Variants in BBS9 observed in about 807,000 individuals in gnomAD.
BBS9 encodes the protein protein PTHB1.
BBS9 carries 89 observed loss-of-function variants against 117.7 expected under a neutral mutation model. That is an observed-to-expected ratio of 0.76 (90% confidence interval 0.64 to 0.90). The LOEUF (loss-of-function observed/expected upper bound fraction) is 0.90. Ranked by LOEUF, BBS9 falls within the 40% of genes least tolerant of loss-of-function variation. BBS9 has a pLI of 0.00. For missense variants in BBS9, 982 were observed against 1,042.2 expected (o/e 0.94, Z 0.80); for synonymous variants, 379 against 370.9 (o/e 1.02, Z -0.25).
chr7:33,379,708 C>T (rs1824594068), intron 17 of BBS9, among the ~76,000 whole-genome samples: 1 of 152,012 alleles, frequency 6.6e-6, no homozygotes, highest in Non-Finnish European at 1.5e-5. Context: ...TATCTCTGCC[C>T]TTTATTTTAT....
intron 5 of BBS9, among the ~76,000 whole-genome samples, chr7:33,205,406 A>G (rs1315711839): frequency 1.3e-5 from 2 of 152,184 alleles, no homozygotes; most frequent in Non-Finnish European, 2.9e-5. Flanking sequence ...TTGCCCACCT[A>G]TCAGTATAAA....
chr7:33,406,945 G>T (rs1830120707), intron 19 of BBS9, among the ~76,000 whole-genome samples: 1 of 152,082 alleles, frequency 6.6e-6, no homozygotes, highest in Non-Finnish European at 1.5e-5. Context: ...GTGTCTTTGT[G>T]GAATTCTCTG....
At chr7:33,390,462 T>C in intron 19 of BBS9, 1 of 979,984 alleles carries the variant, frequency 1.0e-6, no homozygotes, top group Non-Finnish European at 1.2e-6. Context: ...TAAGTCCCAT[T>C]CCTTTTAGAT....
chr7:33,539,316 T>A (rs1465683326), intron 21 of BBS9, among the ~76,000 whole-genome samples: 1 of 152,178 alleles, frequency 6.6e-6, no homozygotes, highest in African/African-American at 2.4e-5. Flanking sequence ...CAATAGTGGC[T>A]CAGAGCCAGG....
At chr7:33,250,897 A>C (rs1796116676) in intron 5 of BBS9, among the ~76,000 whole-genome samples, 2 of 152,218 alleles carry the variant, frequency 1.3e-5, no homozygotes, top group African/African-American at 4.8e-5. Context: ...AGTCCAGGGC[A>C]AATGAGAGAC....
At chr7:33,157,354 G>C (rs988760006) in intron 4 of BBS9, among the ~76,000 whole-genome samples, 1 of 152,190 alleles carries the variant, frequency 6.6e-6, no homozygotes, top group African/African-American at 2.4e-5. Flanking sequence ...TTTGCTATGG[G>C]AATGGTGATT....
intron 5 of BBS9, among the ~76,000 whole-genome samples, chr7:33,197,285 A>G (rs1785103185): frequency 6.6e-6 from 1 of 152,060 alleles, no homozygotes; most frequent in Admixed American, 6.6e-5. Context: ...TAAACAGTGG[A>G]GTAATGAAGC....
chr7:33,559,374 A>C (rs188021714), intron 21 of BBS9, among the ~76,000 whole-genome samples: 3 of 152,188 alleles, frequency 2.0e-5, no homozygotes, highest in African/African-American at 7.2e-5. Context: ...CTGCTCTTTA[A>C]GAATGGAGTT....
intron 21 of BBS9, among the ~76,000 whole-genome samples, chr7:33,548,305 T>C (rs955059507): frequency 2.0e-5 from 3 of 152,220 alleles, no homozygotes; most frequent in African/African-American, 7.2e-5. Context: ...GATAACTCTG[T>C]AAAATGCCCA....
chr7:33,281,285 A>G (rs563756180), intron 9 of BBS9, among the ~76,000 whole-genome samples: 2 of 147,298 alleles, frequency 1.4e-5, no homozygotes, highest in Admixed American at 1.3e-4. Context: ...GTTCCATTTA[A>G]TTTTTTTTGT....
At chr7:33,634,269 A>G (rs1163678386) in intron 21 of BBS9, among the ~76,000 whole-genome samples, 1 of 152,196 alleles carries the variant, frequency 6.6e-6, no homozygotes, top group African/African-American at 2.4e-5. Context: ...AAGACCCAAC[A>G]GAGCCTAAAG....
At chr7:33,613,304 G>A (rs762721637) in intron 21 of BBS9, among the ~76,000 whole-genome samples, 3 of 152,060 alleles carry the variant, frequency 2.0e-5, no homozygotes, top group Non-Finnish European at 2.9e-5. Context: ...TAAAATGTAA[G>A]ACTGTTGTTC....
intron 19 of BBS9, among the ~76,000 whole-genome samples, chr7:33,394,928 G>C (rs914522668): frequency 9.2e-5 from 14 of 152,244 alleles, no homozygotes; most frequent in African/African-American, 3.4e-4. Flanking sequence ...TAAGAAACTT[G>C]CTCAGTGTTA....
Position 33,586,031 on chromosome 7 carries a change from T to C in BBS9, c.2522-18834T>C, listed in dbSNP as rs558331913. Among the ~76,000 whole-genome samples, 54 of 152,178 alleles carry C rather than the reference T, an allele frequency of 3.5e-4. 1 individual carries two copies. Among genetic ancestry groups the C allele is most frequent in the African/African-American group, 1.3e-3 (53 of 41,548 alleles). On this transcript the variant is annotated intron_variant, in intron 21 of 22. Transcript: ENST00000242067. ...ACCTCTGATGCCTTATATAAGGTTT[T>C]ATTTACTCCCCACAATCAGTTTTAG...
chr7:33,322,151 A>G (rs1012970272), intron 9 of BBS9, among the ~76,000 whole-genome samples: 3 of 151,996 alleles, frequency 2.0e-5, no homozygotes, highest in Non-Finnish European at 2.9e-5. Context: ...CTTTGCATCA[A>G]TGTTCATCAG....
In BBS9 at chr7:33,399,505, T is replaced by C. The variant is rs180714387; in HGVS notation, c.2115+11361T>C. ...CGTCATCTCTCTGAGCTTCACCTTC[T>C]TCACTTTAATCTGTGGACCCTGTAG... On this transcript the variant is annotated intron_variant, in intron 19 of 22. Coordinates refer to ENST00000242067, the MANE Select transcript of BBS9 (RefSeq NM_198428.3). Among the ~76,000 whole-genome samples the C allele has an allele frequency of 1.4e-4, 21 of 152,348 alleles. No individual in the cohort carries two copies. In the East Asian group the frequency reaches 3.9e-3, roughly 28 times the overall value.
intron 19 of BBS9, among the ~76,000 whole-genome samples, chr7:33,410,954 A>AATATAT (rs10685989): frequency 3.5e-5 from 5 of 143,974 alleles, no homozygotes; most frequent in South Asian, 4.4e-4. Flanking sequence ...GTATCCGTCT[A>AATATAT]ATATATATAT....
At chr7:33,454,387 T>G (rs1838330659) in intron 19 of BBS9, among the ~76,000 whole-genome samples, 1 of 152,226 alleles carries the variant, frequency 6.6e-6, no homozygotes, top group African/African-American at 2.4e-5. Flanking sequence ...TAGTGAGATG[T>G]CTATGGCAGT....
intron 5 of BBS9, among the ~76,000 whole-genome samples, chr7:33,197,659 AG>A (rs1355784843): frequency 6.6e-6 from 1 of 151,938 alleles, no homozygotes; most frequent in Admixed American, 6.6e-5. Context: ...AAATTTAAGG[AG>A]GTTTTTTTGA....
Sources: allele counts gnomAD v4.1 joint callset (sites outside exome capture counted in the v4.1 genomes callset), GRCh38; gene constraint gnomAD v4.1.1; transcripts MANE v1.5; gene names NCBI Gene and HGNC (gene_info 2026-07-23, HGNC 2026-07-21).